Variants in GADL1 observed in about 807,000 individuals in gnomAD.
GADL1 encodes the protein acidic amino acid decarboxylase GADL1.
Under a neutral mutation model 69.5 loss-of-function variants are expected in GADL1, and 71 were observed. That is an observed-to-expected ratio of 1.02 (90% CI 0.84 to 1.25). The LOEUF is 1.25. Ranked by LOEUF, GADL1 falls within the 50% of genes most tolerant of loss-of-function variation. The pLI is 0.00. For synonymous variants in GADL1, 254 were observed against 214.4 expected (o/e 1.18, Z -1.62); for missense variants, 737 against 631.8 (o/e 1.17, Z -1.79).
At position 30,879,714 on chromosome 3, in the gene GADL1, C is replaced by T. The variant is rs72851481; in HGVS notation, c.37+14864G>A. On this transcript the variant is annotated intron_variant, in intron 1 of 14. Coordinates refer to ENST00000282538, the MANE Select transcript of GADL1 (RefSeq NM_207359.3). ...TTCCTGCCAGAAATGGAGATTTTTC[C>T]GTGACTTTGCCTGCATTAAATATTA... Among the ~76,000 whole-genome samples the T allele has an allele frequency of 1.3e-3, 197 of 151,908 alleles. 1 individual carries two copies. Among genetic ancestry groups the T allele is most frequent in the African/African-American group, 4.3e-3 (180 of 41,478 alleles).
At chr3:30,819,439 A>T (rs1335241655) in intron 11 of GADL1, among the ~76,000 whole-genome samples, 1 of 152,172 alleles carries the variant, frequency 6.6e-6, no homozygotes, top group African/African-American at 2.4e-5. Flanking sequence ...ACACATCTTA[A>T]GCACTTGGGA....
At chr3:30,758,766 C>T (rs975784599) in intron 14 of GADL1, among the ~76,000 whole-genome samples, 1 of 152,122 alleles carries the variant, frequency 6.6e-6, no homozygotes, top group African/African-American at 2.4e-5. Context: ...TATTTATTGC[C>T]TCATAATGAA....
In GADL1 at chr3:30,799,528, G is replaced by C. The variant is rs189138473; in HGVS notation, c.1250+1361C>G. The C allele has an allele frequency of 3.9e-5, 6 of 152,308 alleles. No individual in the cohort carries two copies. In the East Asian group the frequency reaches 1.2e-3, roughly 29 times the overall value. 9.4% of individuals were successfully genotyped at this position (152,308 alleles called of 1,614,324 possible). On this transcript the variant is annotated intron_variant, in intron 12 of 14. Coordinates refer to ENST00000282538, the MANE Select transcript of GADL1 (RefSeq NM_207359.3). ...CCTCCTAGGCTTCTGGGTCTGATGG[G>C]AGGGACTGCCATGAAGACCTATGAC...
At chr3:30,764,917 C>T (rs541822561) in intron 14 of GADL1, among the ~76,000 whole-genome samples, 126 of 133,352 alleles carry the variant, frequency 9.4e-4, no homozygotes, top group African/African-American at 3.5e-3. Context: ...ACTACCATTT[C>T]TAGAACATCC....
At chr3:30,801,863 C>T (rs1157358565) in intron 11 of GADL1, among the ~76,000 whole-genome samples, 3 of 152,122 alleles carry the variant, frequency 2.0e-5, no homozygotes, top group Non-Finnish European at 4.4e-5. Context: ...ACAGCCCTGA[C>T]AACTCCCCCA....
intron 1 of GADL1, among the ~76,000 whole-genome samples, chr3:30,861,970 T>G (rs753566668): frequency 6.6e-6 from 1 of 151,928 alleles, no homozygotes; most frequent in Non-Finnish European, 1.5e-5. Context: ...AAGCTCACAA[T>G]TTATGGATTA....
chr3:30,804,798 A>C (rs1364478607), intron 11 of GADL1, among the ~76,000 whole-genome samples: 1 of 152,186 alleles, frequency 6.6e-6, no homozygotes, highest in East Asian at 1.9e-4. Flanking sequence ...TTACTACTTT[A>C]CTGTCTGGTT....
At chr3:30,768,719 T>C (rs1219820766) in intron 14 of GADL1, among the ~76,000 whole-genome samples, 1 of 151,976 alleles carries the variant, frequency 6.6e-6, no homozygotes, top group Non-Finnish European at 1.5e-5. Flanking sequence ...GAAAGAAACA[T>C]TTGAAGTGAA....
At chr3:30,826,137 T>G (rs111712406) in intron 11 of GADL1, among the ~76,000 whole-genome samples, 147 of 152,026 alleles carry the variant, frequency 9.7e-4, no homozygotes, top group Non-Finnish European at 1.7e-3. Context: ...TTCTTAGATT[T>G]TAATTTATGT....
At chr3:30,737,919 A>G (rs892572799) in intron 14 of GADL1, among the ~76,000 whole-genome samples, 2 of 151,834 alleles carry the variant, frequency 1.3e-5, no homozygotes, top group African/African-American at 4.8e-5. Flanking sequence ...TGAGCTTCAC[A>G]TTTGGTGTTT....
At chr3:30,737,734 T>G (rs1695559777) in intron 14 of GADL1, among the ~76,000 whole-genome samples, 1 of 152,182 alleles carries the variant, frequency 6.6e-6, no homozygotes, top group Non-Finnish European at 1.5e-5. Flanking sequence ...AGCCATACTT[T>G]GATTGGACAT....
At chr3:30,853,941 T>A (rs1698187505) in intron 4 of GADL1, among the ~76,000 whole-genome samples, 2 of 152,106 alleles carry the variant, frequency 1.3e-5, no homozygotes, top group African/African-American at 4.8e-5. Flanking sequence ...TGGCTTTTTG[T>A]TACATTTAGA....
chr3:30,741,563 G>C (rs1003616796), intron 14 of GADL1, among the ~76,000 whole-genome samples: 2 of 151,884 alleles, frequency 1.3e-5, no homozygotes, highest in Admixed American at 1.3e-4. Context: ...TCAGTTCCTA[G>C]AGAACTCCCC....
At chr3:30,752,648 C>T (rs1384848126) in intron 14 of GADL1, among the ~76,000 whole-genome samples, 2 of 152,128 alleles carry the variant, frequency 1.3e-5, no homozygotes, top group Non-Finnish European at 2.9e-5. Flanking sequence ...AAAACGTCCA[C>T]TGGAGCATAC....
intron 14 of GADL1, among the ~76,000 whole-genome samples, chr3:30,777,873 T>C (rs1322357663): frequency 1.3e-5 from 2 of 151,706 alleles, no homozygotes; most frequent in Non-Finnish European, 2.9e-5. Context: ...TTGAAATAAA[T>C]AGTCATTCAT....
chr3:30,754,775 T>C (rs1484482959), intron 14 of GADL1, among the ~76,000 whole-genome samples: 1 of 152,110 alleles, frequency 6.6e-6, no homozygotes, highest in Non-Finnish European at 1.5e-5. Context: ...AACTGGCAAA[T>C]GTAGAAGATG....
chr3:30,826,015 A>T (rs1697675907), intron 11 of GADL1, among the ~76,000 whole-genome samples: 1 of 151,890 alleles, frequency 6.6e-6, no homozygotes, highest in Admixed American at 6.6e-5. Flanking sequence ...AAAAATAGTA[A>T]AACCAAATTC....
chr3:30,829,610 G>A (rs536425952), intron 11 of GADL1, among the ~76,000 whole-genome samples: 1 of 151,924 alleles, frequency 6.6e-6, no homozygotes, highest in South Asian at 2.1e-4. Context: ...GTTTTCAAAA[G>A]GAATAATTTG....
chr3:30,849,825 C>T (rs1408243685), intron 6 of GADL1, among the ~76,000 whole-genome samples, 171 bp downstream of exon 6: 1 of 152,024 alleles, frequency 6.6e-6, no homozygotes, highest in Non-Finnish European at 1.5e-5. Flanking sequence ...TTGGACCAGG[C>T]GTTACAACAT....
Sources: gnomAD v4.1 joint callset for allele counts (sites outside exome capture counted in the v4.1 genomes callset) on GRCh38, gnomAD v4.1.1 for gene constraint, MANE v1.5 for transcripts, NCBI Gene and HGNC (gene_info 2026-07-23, HGNC 2026-07-21) for gene names.